Variants in TASOR2 observed in about 807,000 individuals in gnomAD.
TASOR2 encodes protein TASOR 2.
TASOR2 carries 84 observed loss-of-function variants against 199.5 expected under a neutral mutation model. That is an observed-to-expected ratio of 0.42 (90% CI 0.35 to 0.50). The LOEUF is 0.50. Ranked by LOEUF, TASOR2 falls within the 20% of genes least tolerant of loss-of-function variation. TASOR2 has a pLI of 0.02. For synonymous variants in TASOR2, 1,103 were observed against 1,046.6 expected (o/e 1.05, Z -1.04); for missense variants, 2,796 against 2,835.9 (o/e 0.99, Z 0.32).
chr10:5,717,936 C>CT (rs1195004719), intron 3 of TASOR2, among the ~76,000 whole-genome samples, 186 bp downstream of exon 4: 1 of 151,860 alleles, frequency 6.6e-6, no homozygotes, highest in Non-Finnish European at 1.5e-5. Context: ...AGATTGTAAA[C>CT]TTTTTTTTAA....
chr10:5,744,447 C>T (rs947213201), intron 14 of TASOR2, among the ~76,000 whole-genome samples: 1 of 151,674 alleles, frequency 6.6e-6, no homozygotes, highest in Non-Finnish European at 1.5e-5. Context: ...GGATTATAGG[C>T]GCCTGCCACC....
chr10:5,711,757 T>C (rs572958926), intron 1 of TASOR2, among the ~76,000 whole-genome samples: 2 of 152,196 alleles, frequency 1.3e-5, no homozygotes, highest in Admixed American at 6.5e-5. Flanking sequence ...AAAAAGCACC[T>C]TCAAAAAATT....
At chr10:5,714,107 C>T in intron 2 of TASOR2, 28 bp from the exon 3 acceptor site, 2 of 1,172,690 alleles carry the variant, frequency 1.7e-6, no homozygotes, top group Non-Finnish European at 1.1e-6. Flanking sequence ...GCTTCAAAGA[C>T]TGAAGCAAAG....
intron 12 of TASOR2, 101 bp downstream of exon 13, chr10:5,735,647 C>G (rs760342581): frequency 8.3e-5 from 115 of 1,386,162 alleles, no homozygotes; most frequent in Non-Finnish European, 1.0e-4. Flanking sequence ...TGCAATGTCC[C>G]AATAATTTTT....
At chr10:5,739,545 T>TC in intron 12 of TASOR2, 73 bp from the exon 14 acceptor site, 3 of 1,399,770 alleles carry the variant, frequency 2.1e-6, no homozygotes, top group Non-Finnish European at 2.9e-6. Context: ...GAATTAACCA[T>TC]CATAGTAATA....
rs1053708763 is a variant in TASOR2 at position 5,738,079 on chromosome 10, G to T, written c.1448-1539G>T. Among the ~76,000 whole-genome samples the T allele has an allele frequency of 2.6e-5, 4 of 152,170 alleles. No individual in the cohort carries two copies. The highest frequency in any genetic ancestry group is 9.7e-5 in the African/African-American group (4 of 41,444). ...ATGAAACATAGCCACATTGACCTCAGTTTGCAAATTACTGATTTAAATTAG... is the reference window on the plus strand; with the variant it reads ...ATGAAACATAGCCACATTGACCTCATTTTGCAAATTACTGATTTAAATTAG... On this transcript the variant is annotated intron_variant, in intron 12 of 20. Transcript: ENST00000328090. This position sits in a 1 kb window ranked among gnomAD's most constrained non-coding sequence, Gnocchi z 4.7.
At chr10:5,731,526 CAATAAT>C (rs930568204) in intron 11 of TASOR2, among the ~76,000 whole-genome samples, 1 of 152,190 alleles carries the variant, frequency 6.6e-6, no homozygotes, top group African/African-American at 2.4e-5. Flanking sequence ...ATCTCCATCT[CAATAAT>C]AATAATAGTT....
At chr10:5,717,588 G>A (rs1832817335) in intron 2 of TASOR2, 71 bp from the exon 4 acceptor site, 1 of 554,946 alleles carries the variant, frequency 1.8e-6, no homozygotes, top group African/African-American at 1.9e-5. Context: ...TTTCTAATTG[G>A]TCTTCTTGCT....
chr10:5,748,718 A>C lies in TASOR2; in HGVS notation c.5297A>C (p.Asn1766Thr), dbSNP rs961724170. The change falls in exon 15 of 21, where the codon AAC becomes ACC. Residue 1766 changes from asparagine (N) to threonine (T), a missense_variant. Asn to Thr is a moderately conservative substitution (Grantham distance 65). Coordinates refer to ENST00000328090, the Ensembl canonical transcript of TASOR2. This position sits in a 1 kb window ranked among gnomAD's most constrained non-coding sequence, Gnocchi z 5.1. Reference sequence around the variant, plus strand: ...CAAAATACAGCAGACACCAAGGAAAACCTCAGTAAAGAGCCTTTGGCCTCC... The same window carrying C: ...CAAAATACAGCAGACACCAAGGAAACCCTCAGTAAAGAGCCTTTGGCCTCC... 5 of 1,614,166 alleles carry C rather than the reference A, an allele frequency of 3.1e-6. No individual in the cohort carries two copies. Among genetic ancestry groups the C allele is most frequent in the Admixed American group, 1.7e-5 (1 of 60,024 alleles).
chr10:5,722,316 C>T lies in TASOR2; in HGVS notation c.146+1346C>T, dbSNP rs1467971871. Among the ~76,000 whole-genome samples the T allele has an allele frequency of 2.0e-5, 3 of 151,982 alleles. No homozygotes were observed. Among genetic ancestry groups the T allele is most frequent in the Non-Finnish European group, 2.9e-5 (2 of 67,996 alleles). The stretch of plus-strand genomic sequence containing the variant: ...ATAAAAATACAAAAAATTAGCCGGG[C>T]GTGGTGGCACGTGCCTGTGATCCTA... On this transcript the variant is annotated intron_variant, in intron 6 of 20. Coordinates refer to ENST00000328090, the Ensembl canonical transcript of TASOR2. The surrounding 1 kb of genome is among the most constrained non-coding windows in gnomAD (Gnocchi z 4.0).
chr10:5,762,741 T>C (rs1196367658), intron 20 of TASOR2, 95 bp downstream of exon 21: 2 of 730,760 alleles, frequency 2.7e-6, no homozygotes, highest in South Asian at 3.3e-5. Flanking sequence ...TGGGAAACTG[T>C]TGTTTACATA....
chr10:5,749,124 G>A lies in TASOR2; in HGVS notation c.5703G>A (p.Ala1901=), dbSNP rs376426022. 21 of 1,613,800 alleles carry A rather than the reference G, an allele frequency of 1.3e-5. No homozygotes were observed. The East Asian group carries it at 2.5e-4, about 19-fold the overall frequency. Residue 1901 remains alanine, a synonymous_variant, in exon 15 of 21, where the codon GCG becomes GCA. Coordinates refer to ENST00000328090, the Ensembl canonical transcript of TASOR2. Reference sequence around the variant, plus strand: ...TCCCTCCCGGGCACTGGACTGCTGCGGTAAAGAAAGAAGAGAAGTGTGTGC... The same window carrying A: ...TCCCTCCCGGGCACTGGACTGCTGCAGTAAAGAAAGAAGAGAAGTGTGTGC...
chr10:5,746,344 G>A (rs1837204783), exon 15 of TASOR2: 1 of 1,614,142 alleles, frequency 6.2e-7, no homozygotes, highest in Non-Finnish European at 8.5e-7. Flanking sequence ...TGTTACTCAA[G>A]CCACATTCAC....
In TASOR2 at chr10:5,722,403, C is replaced by T. The variant is rs1833484506; in HGVS notation, c.147-1274C>T. The stretch of plus-strand genomic sequence containing the variant: ...CCTGGGAGGTGGAGGTTGCATTGAG[C>T]TGAGATCGCGCCACTACACTCCAGC... On this transcript the variant is annotated intron_variant, in intron 6 of 20. Transcript: ENST00000328090. The surrounding 1 kb of genome is among the most constrained non-coding windows in gnomAD (Gnocchi z 4.0). Among the ~76,000 whole-genome samples, 1 of 152,092 alleles carries T rather than the reference C, an allele frequency of 6.6e-6. No homozygotes were observed. Among genetic ancestry groups the T allele is most frequent in the Non-Finnish European group, 1.5e-5 (1 of 68,026 alleles).
chr10:5,709,090 A>G lies in TASOR2; in HGVS notation c.-287-3733A>G, dbSNP rs1375331217. On this transcript the variant is annotated intron_variant, in intron 1 of 20. Coordinates refer to ENST00000328090, the Ensembl canonical transcript of TASOR2. Reference sequence around the variant, plus strand: ...TGATAAATCCAAGATTTAGCATGATATTGGATGCATAATAGTCACCACTAA... The same window carrying G: ...TGATAAATCCAAGATTTAGCATGATGTTGGATGCATAATAGTCACCACTAA... 2.0e-5 allele frequency among the ~76,000 whole-genome samples: 3 copies of G among 152,182 alleles called. No homozygotes were observed. The East Asian group carries it at 5.8e-4, about 29-fold the overall frequency.
rs965384602 is a variant in TASOR2, at chr10:5,738,542, T to C, written c.1448-1076T>C. Among the ~76,000 whole-genome samples, 5 of 152,224 alleles carry C rather than the reference T, an allele frequency of 3.3e-5. No homozygotes were observed. Among genetic ancestry groups the C allele is most frequent in the African/African-American group, 1.2e-4 (5 of 41,458 alleles). Reference sequence around the variant, plus strand: ...CCTGTCCCCTTTGAGTTTGCTGTTTTAAATAAAAACTGGGCAGTCGTTGAT... The same window carrying C: ...CCTGTCCCCTTTGAGTTTGCTGTTTCAAATAAAAACTGGGCAGTCGTTGAT... On this transcript the variant is annotated intron_variant, in intron 12 of 20. Coordinates refer to ENST00000328090, the Ensembl canonical transcript of TASOR2. This position sits in a 1 kb window ranked among gnomAD's most constrained non-coding sequence, Gnocchi z 4.7.
intron 1 of TASOR2, among the ~76,000 whole-genome samples, chr10:5,692,556 G>GT (rs1836568124): frequency 6.6e-6 from 1 of 152,156 alleles, no homozygotes; most frequent in Non-Finnish European, 1.5e-5. Flanking sequence ...CTGGGGTCCT[G>GT]CGGGTTCTGT....
exon 15 of TASOR2, chr10:5,749,982 C>T (rs1837797502): frequency 1.2e-6 from 2 of 1,612,620 alleles, no homozygotes; most frequent in Non-Finnish European, 1.7e-6. Flanking sequence ...CCTTCCTGTT[C>T]TACCTTGTCG....
chr10:5,739,801 C>G, exon 13 of TASOR2: 1 of 1,614,214 alleles, frequency 6.2e-7, no homozygotes, highest in Non-Finnish European at 8.5e-7. Flanking sequence ...GCATTAAGCT[C>G]TGCTACTTCT....
Sources: gnomAD v4.1 joint callset for allele counts (sites outside exome capture counted in the v4.1 genomes callset) on GRCh38, gnomAD v4.1.1 for gene constraint, Gnocchi (gnomAD v3.1) non-coding constraint, MANE v1.5 for transcripts, NCBI Gene and HGNC (gene_info 2026-07-23, HGNC 2026-07-21) for gene names.